Variants in ACOXL observed in about 807,000 individuals in gnomAD.
The protein encoded by ACOXL is acyl-CoA oxidase like, also known as acyl-coenzyme A oxidase-like protein.
In ACOXL, 70 loss-of-function variants were observed where a neutral mutation model predicts 71.9. The ratio of observed to expected loss-of-function variants is 0.97; its 90% CI spans 0.80 to 1.19. ACOXL has a LOEUF of 1.19. Ranked by LOEUF, ACOXL falls within the 50% of genes most tolerant of loss-of-function variation. ACOXL has a pLI of 0.00. For synonymous variants in ACOXL, 253 were observed against 281.6 expected (o/e 0.90, Z 1.02); for missense variants, 703 against 736.3 (o/e 0.95, Z 0.52).
At chr2:110,961,892 G>C (rs2061710854) in intron 12 of ACOXL, among the ~76,000 whole-genome samples, 1 of 152,150 alleles carries the variant, frequency 6.6e-6, no homozygotes, top group Non-Finnish European at 1.5e-5. Context: ...TACCATGAGA[G>C]CAGGGCAGAA....
rs528110508 is a variant in ACOXL at position 110,846,106 on chromosome 2, C to G, written c.788+4701C>G. On this transcript the variant is annotated intron_variant, in intron 10 of 17. Transcript: ENST00000439055. Reference sequence around the variant, plus strand: ...GTCCTCTTTGTGTGGGTAGGGATACCTTTGGCATCAAGATTTGAGACTTTA... The same window carrying G: ...GTCCTCTTTGTGTGGGTAGGGATACGTTTGGCATCAAGATTTGAGACTTTA... 2.6e-5 allele frequency among the ~76,000 whole-genome samples: 4 copies of G among 152,188 alleles called. No homozygotes were observed. In the South Asian group the frequency reaches 8.3e-4, roughly 32 times the overall value.
At position 110,990,523 on chromosome 2, in the gene ACOXL, G is replaced by T. The variant is rs565240804; in HGVS notation, c.1169+3306G>T. Among the ~76,000 whole-genome samples, 8 of 152,158 alleles carry T rather than the reference G, an allele frequency of 5.3e-5. No individual in the cohort carries two copies. The South Asian group carries it at 8.3e-4, about 16-fold the overall frequency. Reference sequence around the variant, plus strand: ...ATTCTTTTCATGTCTCACAGCAAGAGCTAGGACCACCAACACAATTTGAAT... The same window carrying T: ...ATTCTTTTCATGTCTCACAGCAAGATCTAGGACCACCAACACAATTTGAAT... On this transcript the variant is annotated intron_variant, in intron 13 of 17. Transcript: ENST00000439055.
chr2:110,808,945 A>G (rs1031575996), intron 9 of ACOXL, among the ~76,000 whole-genome samples: 5 of 152,174 alleles, frequency 3.3e-5, no homozygotes, highest in Non-Finnish European at 7.4e-5. Context: ...AGGGCTGGGC[A>G]CATAGCAGAC....
intron 11 of ACOXL, among the ~76,000 whole-genome samples, chr2:110,928,279 T>C (rs575302709): frequency 1.6e-4 from 24 of 152,358 alleles, no homozygotes; most frequent in African/African-American, 5.5e-4. Flanking sequence ...ATTTAATGTC[T>C]CAAGACAAAT....
At chr2:110,799,282 G>A (rs928962905) in intron 7 of ACOXL, among the ~76,000 whole-genome samples, 182 bp downstream of exon 7, 5 of 152,202 alleles carry the variant, frequency 3.3e-5, no homozygotes, top group Admixed American at 6.5e-5. Context: ...CAGGAATGTC[G>A]TAGATTGCCT....
chr2:111,093,316 G>A (rs1388674522), intron 17 of ACOXL, among the ~76,000 whole-genome samples: 4 of 151,806 alleles, frequency 2.6e-5, no homozygotes, highest in African/African-American at 4.8e-5. Flanking sequence ...AGAAAGACCC[G>A]GGGTATTTTT....
In ACOXL at chr2:110,935,174, C is replaced by G. The variant is rs142294751; in HGVS notation, c.1059+1532C>G. On this transcript the variant is annotated intron_variant, in intron 12 of 17. Transcript: ENST00000439055. ...CACACAGTGGGGTGTTGGGGCACTG[C>G]TGGGGGCCCTGAGCTCAGACACTGT... is the stretch of plus-strand genomic sequence containing the variant. Among the ~76,000 whole-genome samples, 73 of 152,238 alleles carry G rather than the reference C, an allele frequency of 4.8e-4. 1 individual carries two copies. Among genetic ancestry groups the G allele is most frequent in the Admixed American group, 7.8e-4 (12 of 15,302 alleles).
In ACOXL at chr2:110,779,627, G is replaced by A. The variant is rs149677632; in HGVS notation, c.76-5105G>A. ...GTATTGGCATAAGGAAAGACAATGA[G>A]ATCAATGGAATGGAATGGCAGGTTC... On this transcript the variant is annotated intron_variant, in intron 2 of 17. Transcript: ENST00000439055. Among the ~76,000 whole-genome samples the A allele has an allele frequency of 2.4e-3, 367 of 152,352 alleles. 1 individual carries two copies. The highest frequency in any genetic ancestry group is 7.9e-3 in the African/African-American group (330 of 41,584).
intron 1 of ACOXL, among the ~76,000 whole-genome samples, chr2:110,757,138 A>G (rs1679809443): frequency 6.6e-6 from 1 of 152,180 alleles, no homozygotes; most frequent in African/African-American, 2.4e-5. Context: ...CTTATAAGTG[A>G]GAACATGTGC....
intron 14 of ACOXL, among the ~76,000 whole-genome samples, chr2:111,008,071 C>T (rs1272602588): frequency 6.6e-6 from 1 of 152,164 alleles, no homozygotes; most frequent in East Asian, 1.9e-4. Context: ...CGGTATTTTT[C>T]TTTGTGAATT....
intron 11 of ACOXL, among the ~76,000 whole-genome samples, chr2:110,920,775 G>A (rs1478132285): frequency 1.3e-5 from 2 of 151,942 alleles, no homozygotes; most frequent in Admixed American, 1.3e-4. Flanking sequence ...AAATCAATTT[G>A]GGGATAGTCT....
intron 10 of ACOXL, among the ~76,000 whole-genome samples, chr2:110,901,450 G>T (rs968710049): frequency 1.3e-5 from 2 of 152,150 alleles, no homozygotes; most frequent in Non-Finnish European, 2.9e-5. Context: ...TGAGAATCAT[G>T]TATTCTATTC....
At position 111,118,111 on chromosome 2, in the gene ACOXL, TG is replaced by T; in HGVS notation, c.*298del. ...TGCCGGATCCCCTAGACAATCAGGG[TG>T]GGCTCCCCGCTGCGAGCGCGCCCCA... On this transcript the variant is annotated 3_prime_UTR_variant, in exon 18 of 18. Coordinates refer to ENST00000439055, the MANE Select transcript of ACOXL (RefSeq NM_001142807.4). The T allele has an allele frequency of 5.9e-6, 3 of 505,910 alleles. No individual in the cohort carries two copies. Among genetic ancestry groups the T allele is most frequent in the Non-Finnish European group, 1.1e-5 (3 of 284,522 alleles). The allele number at this position is 505,910 out of a possible 1,614,324, so 31.3% of individuals were successfully genotyped here. A position where few individuals can be genotyped will look rare whatever the true frequency, so the allele number is the denominator to read the frequency against.
chr2:111,092,873 G>A lies in ACOXL; in HGVS notation c.1449G>A (p.Leu483=). The A allele has an allele frequency of 6.2e-7, 1 of 1,613,458 alleles. No individual in the cohort carries two copies. The highest frequency in any genetic ancestry group is 8.5e-7 in the Non-Finnish European group (1 of 1,179,708). The change falls in exon 17 of 18, where the codon CTG becomes CTA. Residue 483 remains leucine (L), a synonymous_variant. Coordinates refer to ENST00000439055, the MANE Select transcript of ACOXL (RefSeq NM_001142807.4). ...TTTCCCCCACCCCTTAGTTTTGTCTGTTGTATGGAACCAAGCTGGTGTTTC... is the reference window on the plus strand; with the variant it reads ...TTTCCCCCACCCCTTAGTTTTGTCTATTGTATGGAACCAAGCTGGTGTTTC... ...EDQTLLMKFC[L]LYGTKLVFQE...
chr2:110,794,053 T>G (rs1281864013), intron 4 of ACOXL, 23 bp from the exon 5 acceptor site: 1 of 1,611,920 alleles, frequency 6.2e-7, no homozygotes, highest in South Asian at 1.1e-5. Flanking sequence ...GCTAATTCCC[T>G]TCTAACATCT....
At position 110,933,554 on chromosome 2, in the gene ACOXL, T is replaced by G; in HGVS notation, c.971T>G (p.Leu324Arg). ...AAGGAGCTGGTCAACAGTCGCTCGC[T>G]GCAGGCTCTGGTGGCGGGGCTGAAG... is the stretch of plus-strand genomic sequence containing the variant. Reference protein sequence around the residue: ...QGKELVNSRSLQALVAGLKAY... With the variant: ...QGKELVNSRSRQALVAGLKAY... Residue 324 changes from leucine to arginine, a missense_variant, in exon 12 of 18, where the codon CTG becomes CGG. Coordinates refer to ENST00000439055, the MANE Select transcript of ACOXL (RefSeq NM_001142807.4). 2 of 1,614,188 alleles carry G rather than the reference T, an allele frequency of 1.2e-6. No individual in the cohort carries two copies. The highest frequency in any genetic ancestry group is 1.7e-6 in the Non-Finnish European group (2 of 1,180,024).
chr2:110,813,580 A>G (rs1460702823), intron 9 of ACOXL, among the ~76,000 whole-genome samples: 1 of 152,184 alleles, frequency 6.6e-6, no homozygotes, highest in African/African-American at 2.4e-5. Flanking sequence ...AAGGTCAGAT[A>G]TGGATGATTG....
intron 10 of ACOXL, among the ~76,000 whole-genome samples, chr2:110,883,401 C>T (rs547926814): frequency 7.3e-5 from 11 of 151,456 alleles, no homozygotes; most frequent in Admixed American, 2.6e-4. Context: ...TGAGCCACTA[C>T]GCCTGGCCCC....
chr2:111,057,740 A>G (rs34446964), intron 16 of ACOXL, among the ~76,000 whole-genome samples: 12,338 of 152,316 alleles, frequency 0.081, 622 homozygotes, highest in Non-Finnish European at 0.11. Context: ...TGCCATCAGA[A>G]GCAAGCTCTA....
Sources: gnomAD v4.1 joint callset for allele counts (sites outside exome capture counted in the v4.1 genomes callset) on GRCh38, gnomAD v4.1.1 for gene constraint, MANE v1.5 for transcripts, NCBI Gene and HGNC (gene_info 2026-07-23, HGNC 2026-07-21) for gene names.